The following CNGA2 variants were observed in gnomAD, a reference collection of about 807,000 sequenced individuals.
CNGA2 encodes the protein cyclic nucleotide gated channel subunit alpha 2.
Under a neutral mutation model 35.9 loss-of-function variants are expected in CNGA2, and 22 were observed. The ratio of observed to expected loss-of-function variants is 0.61; its 90% CI spans 0.44 to 0.88. The LOEUF (loss-of-function observed/expected upper bound fraction) is 0.88. CNGA2 is among the 40% of genes least tolerant of loss of function. The pLI is 0.00. For missense variants in CNGA2, 555 were observed against 530.8 expected (o/e 1.05, Z -0.45); for synonymous variants, 217 against 209.2 (o/e 1.04, Z -0.32).
At chrX:151,737,349 G>A (rs991523244) in intron 1 of CNGA2, among the ~76,000 whole-genome samples, 3 of 112,067 alleles carry the variant, frequency 2.7e-5, no homozygotes, top group East Asian at 2.8e-4. Context: ...TTACCTCCTC[G>A]GCTGTTCCTT....
intron 1 of CNGA2, among the ~76,000 whole-genome samples, chrX:151,737,348 C>T (rs887176701): frequency 3.6e-5 from 4 of 112,274 alleles, no homozygotes; most frequent in Non-Finnish European, 7.5e-5. Flanking sequence ...GTTACCTCCT[C>T]GGCTGTTCCT....
At chrX:151,742,970 A>ACATATATATATG (rs1329694182) in intron 6 of CNGA2, 123 bp from the exon 7 acceptor site, 6 of 70,777 alleles carry the variant, frequency 8.5e-5, no homozygotes, top group African/African-American at 4.8e-4. Flanking sequence ...GTATATATAT[A>ACATATATATATG]TGTATATATA....
rs1288669473 is a variant in CNGA2 at position 151,743,120 on chromosome X, A to G, written c.617A>G (p.Lys206Arg). 8.5e-7 allele frequency: 1 copy of G among 1,179,093 alleles called. No individual in the cohort carries two copies. The highest frequency in any genetic ancestry group is 1.1e-6 in the Non-Finnish European group (1 of 878,782). ...TTCCTGGAGCAGGGGCTGCTGGTCA[A>G]AGATACCAAGAAACTGCGAGACAAC... Reference protein sequence around the residue: ...TGFLEQGLLVKDTKKLRDNYI... With the variant: ...TGFLEQGLLVRDTKKLRDNYI... The change falls in exon 7 of 7, where the codon AAA becomes AGA. Residue 206 changes from lysine to arginine, a missense_variant. Lys to Arg is a conservative substitution (Grantham distance 26). Transcript: ENST00000329903.
rs747469259 is a variant in CNGA2 at position 151,744,277 on chromosome X, A to C, written c.1774A>C (p.Ser592Arg). ...GCTGGATGAGAACGAAGTGGCAACC[A>C]GCATGGAGGTCGACGTGCAGGAGAA... is the stretch of plus-strand genomic sequence containing the variant. Reference protein sequence around the residue: ...GLLDENEVATSMEVDVQEKLG... With the variant: ...GLLDENEVATRMEVDVQEKLG... The change falls in exon 7 of 7, where the codon AGC (serine) becomes CGC (arginine). Residue 592 changes from serine to arginine, a missense_variant. Ser to Arg is a moderately radical substitution (Grantham distance 110). Transcript: ENST00000329903. 6 of 1,210,924 alleles carry C rather than the reference A, an allele frequency of 5.0e-6. No individual in the cohort carries two copies. The South Asian group carries it at 1.1e-4, about 21-fold the overall frequency.
chrX:151,735,053 A>G (rs1420511078), intron 1 of CNGA2, among the ~76,000 whole-genome samples, 110 bp downstream of exon 1: 1 of 111,537 alleles, frequency 9.0e-6, no homozygotes, highest in Non-Finnish European at 1.9e-5. Flanking sequence ...CTCTGACTTG[A>G]CTTCTCTAGG....
rs1473643405 is a variant in CNGA2 at position 151,739,552 on chromosome X, T to G, written c.204-10T>G. On this transcript the variant is annotated splice_polypyrimidine_tract_variant and intron_variant, in intron 3 of 6. Coordinates refer to ENST00000329903, the MANE Select transcript of CNGA2 (RefSeq NM_005140.3). ...GGCTCTGGCTCATACTCTTTTTCTC[T>G]CACCTCTAGGATAGTTCGCCTGGTG... The G allele has an allele frequency of 8.3e-7, 1 of 1,202,982 alleles. No homozygotes were observed. The highest frequency in any genetic ancestry group is 1.1e-6 in the Non-Finnish European group (1 of 890,716).
At chrX:151,740,371 G>A (rs1439246314) in intron 4 of CNGA2, among the ~76,000 whole-genome samples, 1 of 112,382 alleles carries the variant, frequency 8.9e-6, no homozygotes, top group Admixed American at 9.3e-5. Context: ...AGGTGGGCAG[G>A]AAGCTCATGG....
At position 151,740,965 on chromosome X, in the gene CNGA2, C is replaced by T. The variant is rs112211037; in HGVS notation, c.482+64C>T. 79 of 850,119 alleles carry T rather than the reference C, an allele frequency of 9.3e-5. 1 individual carries two copies. The highest frequency in any genetic ancestry group is 5.2e-4 in the African/African-American group (26 of 50,195). 70.1% of individuals were successfully genotyped at this position (850,119 alleles called of 1,213,427 possible). A position where few individuals can be genotyped will look rare whatever the true frequency, so the allele number is the denominator to read the frequency against. On this transcript the variant is annotated intron_variant, in intron 5 of 6. Coordinates refer to ENST00000329903, the MANE Select transcript of CNGA2 (RefSeq NM_005140.3). ...CCCAGTCTTCAGACCCCGGGATTGA[C>T]GGCGCAGCAGTCCCTGGATACCAAT...
rs1012775440 is a variant in CNGA2 at position 151,736,654 on chromosome X, G to A, written c.-27+1711G>A. ...CTGCCTTGTTTCCAGCAAGCAGCAT[G>A]AGGGGGCAGTTTCTGGCAAAGGGGA... On this transcript the variant is annotated intron_variant, in intron 1 of 6. Transcript: ENST00000329903. 2.7e-5 allele frequency among the ~76,000 whole-genome samples: 3 copies of A among 110,990 alleles called. No homozygotes were observed. The Admixed American group carries it at 2.9e-4, about 11-fold the overall frequency.
Position 151,743,118 on chromosome X carries a change from C to T in CNGA2, c.615C>T (p.Val205=). The T allele has an allele frequency of 8.5e-7, 1 of 1,176,636 alleles. No homozygotes were observed. The highest frequency in any genetic ancestry group is 1.1e-6 in the Non-Finnish European group (1 of 877,597). The part of the protein sequence containing the change: ...RTGFLEQGLL[V]KDTKKLRDNY... Reference sequence around the variant, plus strand: ...GTTTCCTGGAGCAGGGGCTGCTGGTCAAAGATACCAAGAAACTGCGAGACA... The same window carrying T: ...GTTTCCTGGAGCAGGGGCTGCTGGTTAAAGATACCAAGAAACTGCGAGACA... The change falls in exon 7 of 7, where the codon GTC becomes GTT. Residue 205 remains valine, a synonymous_variant. Transcript: ENST00000329903.
chrX:151,742,069 C>T (rs1006704726), intron 5 of CNGA2, among the ~76,000 whole-genome samples: 19 of 112,656 alleles, frequency 1.7e-4, no homozygotes, highest in African/African-American at 5.8e-4. Context: ...TACTATTCTC[C>T]CTCTCACGTG....
chrX:151,735,850 C>A (rs1035962487), intron 1 of CNGA2, among the ~76,000 whole-genome samples: 2 of 110,699 alleles, frequency 1.8e-5, no homozygotes, highest in Non-Finnish European at 3.8e-5. Flanking sequence ...TTGTCTGTCC[C>A]CTCCTACTCC....
chrX:151,737,867 G>A (rs1043435452), intron 1 of CNGA2, among the ~76,000 whole-genome samples: 60 of 105,915 alleles, frequency 5.7e-4, no homozygotes, highest in African/African-American at 1.9e-3. Context: ...CAAGGGAGGA[G>A]GTGCGTCTCC....
chrX:151,744,590 A>G lies in CNGA2; in HGVS notation c.*92A>G, dbSNP rs1413046024. ...TTAGATCTCCGGATTTACATGCATT[A>G]CCCTCATGTTCCCTGAATTCTCCCA... On this transcript the variant is annotated 3_prime_UTR_variant, in exon 7 of 7. Coordinates refer to ENST00000329903, the MANE Select transcript of CNGA2 (RefSeq NM_005140.3). 1.3e-6 allele frequency: 1 copy of G among 769,718 alleles called. No individual in the cohort carries two copies. Among genetic ancestry groups the G allele is most frequent in the Admixed American group, 3.5e-5 (1 of 28,846 alleles). 63.4% of individuals were successfully genotyped at this position (769,718 alleles called of 1,213,427 possible).
At chrX:151,742,983 CAT>C (rs35955120) in intron 6 of CNGA2, 108 bp from the exon 7 acceptor site, 3 of 19,111 alleles carry the variant, frequency 1.6e-4, no homozygotes, top group East Asian at 1.8e-3. Context: ...TATATATATA[CAT>C]ATATATGTGT....
chrX:151,739,550 T>C lies in CNGA2; in HGVS notation c.204-12T>C. On this transcript the variant is annotated splice_polypyrimidine_tract_variant and intron_variant, in intron 3 of 6. Coordinates refer to ENST00000329903, the MANE Select transcript of CNGA2 (RefSeq NM_005140.3). Reference sequence around the variant, plus strand: ...TTGGCTCTGGCTCATACTCTTTTTCTCTCACCTCTAGGATAGTTCGCCTGG... The same window carrying C: ...TTGGCTCTGGCTCATACTCTTTTTCCCTCACCTCTAGGATAGTTCGCCTGG... 5 of 1,205,799 alleles carry C rather than the reference T, an allele frequency of 4.1e-6. No homozygotes were observed. Among genetic ancestry groups the C allele is most frequent in the Non-Finnish European group, 5.6e-6 (5 of 891,555 alleles).
Position 151,739,653 on chromosome X carries a change from C to T in CNGA2, c.295C>T (p.Arg99Cys), listed in dbSNP as rs764689669. The T allele has an allele frequency of 2.4e-5, 29 of 1,209,774 alleles. No individual in the cohort carries two copies. In the Admixed American group the frequency reaches 3.7e-4, roughly 16 times the overall value. The change falls in exon 4 of 7, where the codon CGT (arginine) becomes TGT (cysteine). Residue 99 changes from arginine to cysteine, a missense_variant. Transcript: ENST00000329903. ...PRPDSFLERF[R>C]GPELQTVTTQ... ...GCCTGACTCATTCCTCGAGCGTTTT[C>T]GTGGGCCTGAACTCCAGACTGTGAC...
Position 151,744,032 on chromosome X carries a change from ATGC to A in CNGA2, c.1531_1533del (p.Ala511del). ...GTGGCTGATGATGGTGTGACTCAGT[ATGC>A]TCTGCTGTCGGCTGGAAGCTGCTTT... On this transcript the variant is annotated inframe_deletion, in exon 7 of 7. Coordinates refer to ENST00000329903, the MANE Select transcript of CNGA2 (RefSeq NM_005140.3). 3 of 1,211,559 alleles carry A rather than the reference ATGC, an allele frequency of 2.5e-6. No homozygotes were observed. The highest frequency in any genetic ancestry group is 3.4e-6 in the Non-Finnish European group (3 of 895,480).
intron 1 of CNGA2, among the ~76,000 whole-genome samples, chrX:151,736,511 C>T (rs2015248939): frequency 8.9e-6 from 1 of 111,901 alleles, no homozygotes; most frequent in Non-Finnish European, 1.9e-5. Flanking sequence ...GGGAAGAGGG[C>T]AGGCCCCTTT....
Sources: allele counts gnomAD v4.1 joint callset (sites outside exome capture counted in the v4.1 genomes callset), GRCh38; gene constraint gnomAD v4.1.1; transcripts MANE v1.5; gene names NCBI Gene and HGNC (gene_info 2026-07-23, HGNC 2026-07-21).